The following TMEM131L variants were observed in gnomAD, a reference collection of about 807,000 sequenced individuals.
TMEM131L encodes the protein transmembrane 131 like, also known as transmembrane protein 131-like.
TMEM131L carries 54 observed loss-of-function variants against 192.2 expected under a neutral mutation model. The observed-to-expected ratio is 0.28, with a 90% CI of 0.23 to 0.35. The LOEUF (loss-of-function observed/expected upper bound fraction) is 0.35. TMEM131L is among the 10% of genes least tolerant of loss of function. The pLI is 1.00. For synonymous variants in TMEM131L, 701 were observed against 704.9 expected (o/e 0.99, Z 0.09); for missense variants, 1,888 against 1,972.9 (o/e 0.96, Z 0.82).
At chr4:153,626,073 A>G (rs1370741881) in intron 29 of TMEM131L, 74 bp from the exon 30 acceptor site, 1 of 871,670 alleles carries the variant, frequency 1.1e-6, no homozygotes, top group Non-Finnish European at 1.9e-6. Flanking sequence ...TTAATAACCT[A>G]TGCATTTTAA....
rs570454542 is a variant in TMEM131L at position 153,511,082 on chromosome 4, G to A, written c.239+37194G>A. Reference sequence around the variant, plus strand: ...GTGGAAAGCAGTGTGGTGATTTCTCGAAGAACTAAAACCAGAACTACCATT... The same window carrying A: ...GTGGAAAGCAGTGTGGTGATTTCTCAAAGAACTAAAACCAGAACTACCATT... On this transcript the variant is annotated intron_variant, in intron 3 of 34. Transcript: ENST00000409959. Among the ~76,000 whole-genome samples, 7 of 152,140 alleles carry A rather than the reference G, an allele frequency of 4.6e-5. No individual in the cohort carries two copies. The East Asian group carries it at 7.7e-4, about 17-fold the overall frequency.
At chr4:153,634,460 T>C in intron 33 of TMEM131L, 180 bp downstream of exon 33, 1 of 532,922 alleles carries the variant, frequency 1.9e-6, no homozygotes, top group Middle Eastern at 3.5e-4. Context: ...TATAATTTTA[T>C]ATGACCCTCA....
intron 3 of TMEM131L, among the ~76,000 whole-genome samples, chr4:153,507,935 T>C (rs1175186308): frequency 1.3e-5 from 2 of 152,158 alleles, no homozygotes; most frequent in African/African-American, 4.8e-5. Context: ...TAGAATGGAT[T>C]CTGTAGTTGG....
chr4:153,497,709 T>G (rs1036470766), intron 3 of TMEM131L, among the ~76,000 whole-genome samples: 2 of 152,200 alleles, frequency 1.3e-5, no homozygotes, highest in Admixed American at 6.5e-5. Flanking sequence ...GAAAGTTATT[T>G]GCCTGCCGAA....
At chr4:153,531,775 C>G (rs1735919237) in intron 3 of TMEM131L, among the ~76,000 whole-genome samples, 1 of 152,230 alleles carries the variant, frequency 6.6e-6, no homozygotes, top group Admixed American at 6.5e-5. Context: ...ATTTGGAGAA[C>G]TGGCGAATTT....
rs181055822 is a variant in TMEM131L at position 153,478,924 on chromosome 4, C to T, written c.239+5036C>T. 1.7e-3 allele frequency among the ~76,000 whole-genome samples: 266 copies of T among 152,262 alleles called. 1 individual carries two copies. The highest frequency in any genetic ancestry group is 6.8e-3 in the Middle Eastern group (2 of 294). ...AATAGAAGAGCACCATTTATCAGTT[C>T]CACAAAATGAATGCATTGTCTCTTA... On this transcript the variant is annotated intron_variant, in intron 3 of 34. Transcript: ENST00000409959.
At chr4:153,504,266 C>CTTTTTTTTTTT (rs531620464) in intron 3 of TMEM131L, among the ~76,000 whole-genome samples, 1 of 42,630 alleles carries the variant, frequency 2.3e-5, no homozygotes, top group Admixed American at 2.6e-4. Flanking sequence ...CGCGGTCGGC[C>CTTTTTTTTTTT]TTTTTTTTTT....
intron 3 of TMEM131L, among the ~76,000 whole-genome samples, chr4:153,536,528 C>G (rs1012630434): frequency 2.6e-5 from 4 of 152,130 alleles, no homozygotes; most frequent in Admixed American, 2.0e-4. Context: ...CCCACCTCCC[C>G]ACAACCTCTA....
intron 25 of TMEM131L, among the ~76,000 whole-genome samples, chr4:153,611,399 A>C (rs797011826): frequency 1.3e-5 from 2 of 152,238 alleles, no homozygotes; most frequent in South Asian, 4.1e-4. Context: ...GGCTGTCGTG[A>C]CCAGAATCCA....
chr4:153,466,699 G>C (rs913199338), intron 1 of TMEM131L, among the ~76,000 whole-genome samples, 178 bp downstream of exon 1: 1 of 152,196 alleles, frequency 6.6e-6, no homozygotes, highest in African/African-American at 2.4e-5. Context: ...GTCCCGTCCC[G>C]CGCCTCTCTG....
Position 153,603,957 on chromosome 4 carries a change from C to T in TMEM131L, c.2945C>T (p.Ser982Leu), listed in dbSNP as rs1409797528. The change falls in exon 25 of 35, where the codon TCA (serine) becomes TTA (leucine). Residue 982 changes from serine (S) to leucine (L), a missense_variant. Physicochemically the swap from Ser to Leu is moderately radical, Grantham distance 145. Transcript: ENST00000409959. ...YGHSQKKHKC[S>L]VYYSKHKTST... ...CATTCTCAGAAGAAGCACAAATGCT[C>T]AGTGTATTACAGTAAACACAAAACC... 22 of 1,613,878 alleles carry T rather than the reference C, an allele frequency of 1.4e-5. No individual in the cohort carries two copies. The highest frequency in any genetic ancestry group is 1.8e-5 in the Non-Finnish European group (21 of 1,179,968).
chr4:153,518,114 G>C (rs1157991878), intron 3 of TMEM131L, among the ~76,000 whole-genome samples: 1 of 152,174 alleles, frequency 6.6e-6, no homozygotes, highest in Non-Finnish European at 1.5e-5. Flanking sequence ...CTGACAATGG[G>C]AGTGAACATG....
intron 7 of TMEM131L, among the ~76,000 whole-genome samples, chr4:153,567,401 G>T (rs1252435557): frequency 6.6e-6 from 1 of 152,196 alleles, no homozygotes; most frequent in East Asian, 1.9e-4. Flanking sequence ...AGTACACCAA[G>T]ATGTAACTGT....
chr4:153,487,326 C>T (rs529504930), intron 3 of TMEM131L, among the ~76,000 whole-genome samples: 33 of 152,228 alleles, frequency 2.2e-4, no homozygotes, highest in African/African-American at 7.9e-4. Flanking sequence ...AGAATCCGTA[C>T]GTATTCTCTT....
At chr4:153,613,464 G>A (rs752103020) in intron 26 of TMEM131L, among the ~76,000 whole-genome samples, 8 of 152,132 alleles carry the variant, frequency 5.3e-5, no homozygotes, top group Non-Finnish European at 7.4e-5. Flanking sequence ...AACATGAAAC[G>A]TGTAGTTTAA....
At chr4:153,487,265 G>A (rs1732406260) in intron 3 of TMEM131L, among the ~76,000 whole-genome samples, 2 of 152,178 alleles carry the variant, frequency 1.3e-5, no homozygotes, top group Non-Finnish European at 2.9e-5. Context: ...TTGGGAGATG[G>A]TTGCTTTTCA....
intron 29 of TMEM131L, among the ~76,000 whole-genome samples, chr4:153,624,667 T>G (rs745524709): frequency 2.2e-4 from 33 of 152,194 alleles, no homozygotes; most frequent in Non-Finnish European, 4.3e-4. Context: ...TCAGAGAGGA[T>G]GCCCGAATCC....
intron 3 of TMEM131L, among the ~76,000 whole-genome samples, chr4:153,535,482 G>C (rs1736248138): frequency 6.6e-6 from 1 of 152,118 alleles, no homozygotes. Flanking sequence ...TGGAGCCTGG[G>C]GTGTCTCTGC....
intron 22 of TMEM131L, 80 bp from the exon 23 acceptor site, chr4:153,602,462 A>G: frequency 6.6e-7 from 1 of 1,516,822 alleles, no homozygotes; most frequent in Non-Finnish European, 9.1e-7. Flanking sequence ...TTGTAGGAGT[A>G]TGATGTGTTG....
Sources: allele counts gnomAD v4.1 joint callset (sites outside exome capture counted in the v4.1 genomes callset), GRCh38; gene constraint gnomAD v4.1.1; transcripts MANE v1.5; gene names NCBI Gene and HGNC (gene_info 2026-07-23, HGNC 2026-07-21).